The following EPHB2 variants were observed in gnomAD, a reference collection of about 807,000 sequenced individuals.
EPHB2 encodes EPH receptor B2, also known as ephrin type-B receptor 2.
Under a neutral mutation model 96.4 loss-of-function variants are expected in EPHB2, and 18 were observed. That is an observed-to-expected ratio of 0.19 (90% CI 0.13 to 0.28). EPHB2 has a LOEUF of 0.28. Among genes scored for constraint, EPHB2 ranks in the 10% least tolerant of loss-of-function variants. The pLI is 1.00. For missense variants in EPHB2, 989 were observed against 1,355.4 expected (o/e 0.73, Z 4.25); for synonymous variants, 506 against 534.1 (o/e 0.95, Z 0.72).
At chr1:22,720,990 A>C (rs1368134075) in intron 1 of EPHB2, among the ~76,000 whole-genome samples, 1 of 152,116 alleles carries the variant, frequency 6.6e-6, no homozygotes, top group African/African-American at 2.4e-5. Flanking sequence ...CTTATCAGCG[A>C]ACTGGGCATC....
chr1:22,909,893 G>A (rs1292816057), intron 13 of EPHB2, among the ~76,000 whole-genome samples: 2 of 152,180 alleles, frequency 1.3e-5, no homozygotes, highest in Non-Finnish European at 2.9e-5. Context: ...AGGTGGAGAT[G>A]GTGGGAGGGA....
intron 3 of EPHB2, among the ~76,000 whole-genome samples, chr1:22,822,448 G>A (rs1338574510): frequency 6.6e-6 from 1 of 152,214 alleles, no homozygotes; most frequent in Non-Finnish European, 1.5e-5. Context: ...TTTCACAGTT[G>A]AGGCTCAGAA....
At chr1:22,871,127 G>T (rs1402703333) in intron 5 of EPHB2, among the ~76,000 whole-genome samples, 1 of 152,194 alleles carries the variant, frequency 6.6e-6, no homozygotes, top group Non-Finnish European at 1.5e-5. Context: ...TTGTCATCCT[G>T]TTTTATAGAT....
intron 1 of EPHB2, among the ~76,000 whole-genome samples, chr1:22,776,033 CAGGGATGATCCAGCAG>C (rs920773977): frequency 3.9e-5 from 6 of 152,144 alleles, no homozygotes; most frequent in African/African-American, 1.4e-4. Flanking sequence ...TGTGGGGAGA[CAGGGATGATCCAGCAG>C]AGGGGCCTCA....
intron 1 of EPHB2, among the ~76,000 whole-genome samples, chr1:22,735,990 G>A (rs527778222): frequency 6.6e-6 from 1 of 152,272 alleles, no homozygotes; most frequent in African/African-American, 2.4e-5. Context: ...ACACCTACAC[G>A]CTCTGTGACT....
intron 3 of EPHB2, among the ~76,000 whole-genome samples, chr1:22,840,259 A>G (rs1397322441): frequency 6.6e-6 from 1 of 152,188 alleles, no homozygotes; most frequent in Non-Finnish European, 1.5e-5. Context: ...AAAAAATAAT[A>G]TTTATTGAAG....
chr1:22,717,996 C>A (rs1643336962), intron 1 of EPHB2, among the ~76,000 whole-genome samples: 1 of 152,164 alleles, frequency 6.6e-6, no homozygotes, highest in South Asian at 2.1e-4. Context: ...GAAGACTAAG[C>A]TGAGTGTGTG....
In EPHB2 at chr1:22,919,251, A is replaced by T. The variant is rs1194600610; in HGVS notation, c.*5681A>T. Reference sequence around the variant, plus strand: ...TTAAGAAAAAGCAGGACATTTTCAGATAGGATGCCCAAACCCAGACGCAGA... The same window carrying T: ...TTAAGAAAAAGCAGGACATTTTCAGTTAGGATGCCCAAACCCAGACGCAGA... On this transcript the variant is annotated 3_prime_UTR_variant, in exon 16 of 16. Transcript: ENST00000374630. 6.6e-6 allele frequency: 1 copy of T among 152,426 alleles called. No homozygotes were observed. Among genetic ancestry groups the T allele is most frequent in the South Asian group, 2.1e-4 (1 of 4,824 alleles). The allele number at this position is 152,426 out of a possible 1,614,324, so 9.4% of individuals were successfully genotyped here.
At chr1:22,781,180 C>T (rs888810394) in intron 1 of EPHB2, among the ~76,000 whole-genome samples, 1 of 151,728 alleles carries the variant, frequency 6.6e-6, no homozygotes, top group African/African-American at 2.4e-5. Context: ...ATTAGCCGGG[C>T]GTGGTTGGAG....
chr1:22,861,147 A>G (rs1463850516), intron 3 of EPHB2, among the ~76,000 whole-genome samples: 1 of 152,192 alleles, frequency 6.6e-6, no homozygotes, highest in Non-Finnish European at 1.5e-5. Flanking sequence ...TAAACTGACA[A>G]CAACTCTAGG....
At chr1:22,894,335 C>T (rs2148568681) in intron 7 of EPHB2, among the ~76,000 whole-genome samples, 1 of 152,282 alleles carries the variant, frequency 6.6e-6, no homozygotes, top group East Asian at 1.9e-4. Context: ...CGGTGGCTCA[C>T]ACCTGTAATC....
intron 3 of EPHB2, among the ~76,000 whole-genome samples, chr1:22,842,507 T>C (rs747606837): frequency 6.6e-6 from 1 of 152,056 alleles, no homozygotes; most frequent in Non-Finnish European, 1.5e-5. Flanking sequence ...CTGGCCACCC[T>C]GTGCCCCCAT....
At chr1:22,719,976 A>C (rs1345444704) in intron 1 of EPHB2, among the ~76,000 whole-genome samples, 3 of 152,154 alleles carry the variant, frequency 2.0e-5, no homozygotes, top group Admixed American at 1.3e-4. Context: ...AGTTGGGATC[A>C]CTCAGGAGGC....
At chr1:22,822,450 G>A (rs1212392247) in intron 3 of EPHB2, among the ~76,000 whole-genome samples, 3 of 152,206 alleles carry the variant, frequency 2.0e-5, no homozygotes, top group Non-Finnish European at 2.9e-5. Flanking sequence ...TCACAGTTGA[G>A]GCTCAGAATG....
intron 1 of EPHB2, among the ~76,000 whole-genome samples, chr1:22,737,960 G>A (rs1312324036): frequency 1.3e-5 from 2 of 152,200 alleles, no homozygotes; most frequent in South Asian, 4.1e-4. Context: ...AATGAGACTG[G>A]ATCTGGGTCT....
At chr1:22,787,958 C>T (rs10799763) in intron 3 of EPHB2, among the ~76,000 whole-genome samples, 7,679 of 152,288 alleles carry the variant, frequency 0.05, 419 homozygotes, top group East Asian at 0.16. Context: ...CCACATGGGC[C>T]TCTTGCATGT....
intron 3 of EPHB2, among the ~76,000 whole-genome samples, chr1:22,793,315 G>T (rs967937848): frequency 6.6e-6 from 1 of 152,138 alleles, no homozygotes; most frequent in Non-Finnish European, 1.5e-5. Flanking sequence ...CCTCCGTACC[G>T]TCCCTCGGGC....
At chr1:22,845,665 T>C (rs1399298778) in intron 3 of EPHB2, among the ~76,000 whole-genome samples, 1 of 152,146 alleles carries the variant, frequency 6.6e-6, no homozygotes, top group African/African-American at 2.4e-5. Context: ...TCTGTAAGAT[T>C]AGAGGTTTGT....
rs747302640 is a variant in EPHB2, at chr1:22,913,855, T to G, written c.*285T>G. The G allele has an allele frequency of 3.1e-6, 5 of 1,603,210 alleles. No homozygotes were observed. In the East Asian group the frequency reaches 1.1e-4, roughly 36 times the overall value. On this transcript the variant is annotated 3_prime_UTR_variant, in exon 16 of 16. Transcript: ENST00000374630. This position sits in a 1 kb window ranked among gnomAD's most constrained non-coding sequence, Gnocchi z 4.1. ...ATTCTCATAAGGAAAGCAATGACTGTTCTTGCGGGGGATAAAAAAGGGCTT... is the reference window on the plus strand; with the variant it reads ...ATTCTCATAAGGAAAGCAATGACTGGTCTTGCGGGGGATAAAAAAGGGCTT...
Sources: gnomAD v4.1 joint callset for allele counts (sites outside exome capture counted in the v4.1 genomes callset) on GRCh38, gnomAD v4.1.1 for gene constraint, Gnocchi (gnomAD v3.1) non-coding constraint, MANE v1.5 for transcripts, NCBI Gene and HGNC (gene_info 2026-07-23, HGNC 2026-07-21) for gene names.